Variants in CFAP70 observed in about 807,000 individuals in gnomAD.
CFAP70 encodes the protein cilia and flagella associated protein 70.
A neutral mutation model predicts 137.6 loss-of-function variants in CFAP70; 81 were observed. The observed-to-expected ratio is 0.59, with a 90% CI of 0.49 to 0.71. CFAP70 has a LOEUF of 0.71. Among genes scored for constraint, CFAP70 ranks in the 30% least tolerant of loss-of-function variants. The probability of loss-of-function intolerance (pLI) is 0.00; values close to 1 mark genes in which losing one functional copy is unlikely to be tolerated. For synonymous variants in CFAP70, 382 were observed against 423.6 expected (o/e 0.90, Z 1.20); for missense variants, 976 against 1,226.7 (o/e 0.80, Z 3.05).
At chr10:73,304,744 A>G (rs1223436742) in intron 12 of CFAP70, among the ~76,000 whole-genome samples, 1 of 152,014 alleles carries the variant, frequency 6.6e-6, no homozygotes, top group African/African-American at 2.4e-5. Flanking sequence ...ATTTTCTTTC[A>G]TCTTTCTTTG....
chr10:73,343,966 T>C (rs867938631), intron 5 of CFAP70, among the ~76,000 whole-genome samples: 1 of 148,810 alleles, frequency 6.7e-6, no homozygotes, highest in Non-Finnish European at 1.5e-5. Context: ...TATGAAGAAT[T>C]TTTTTTTTTT....
intron 12 of CFAP70, 128 bp downstream of exon 13, chr10:73,310,030 C>A: frequency 1.8e-6 from 1 of 551,830 alleles, no homozygotes. Flanking sequence ...ACAACAAAAA[C>A]TTCATCTAGA....
chr10:73,346,586 T>G (rs2053729850), intron 4 of CFAP70, among the ~76,000 whole-genome samples: 1 of 150,356 alleles, frequency 6.7e-6, no homozygotes, highest in Non-Finnish European at 1.5e-5. Context: ...GAGGTTGCAG[T>G]GAGCCGAGAT....
At chr10:73,299,833 G>C (rs2048816918) in intron 12 of CFAP70, among the ~76,000 whole-genome samples, 168 bp from the exon 14 acceptor site, 1 of 152,130 alleles carries the variant, frequency 6.6e-6, no homozygotes, top group African/African-American at 2.4e-5. Context: ...CCCTAGATGT[G>C]AACCACAGCA....
intron 15 of CFAP70, chr10:73,295,097 C>T (rs1046969219): frequency 6.6e-6 from 1 of 152,582 alleles, no homozygotes; most frequent in African/African-American, 2.4e-5. Flanking sequence ...GCTGGTGGAT[C>T]GCTTGAGTCC....
chr10:73,277,850 A>C (rs1484591981), intron 20 of CFAP70, among the ~76,000 whole-genome samples: 1 of 152,244 alleles, frequency 6.6e-6, no homozygotes, highest in Non-Finnish European at 1.5e-5. Context: ...AAAGGTTCTC[A>C]AGGTAAATCT....
chr10:73,266,825 C>CA (rs891244029), intron 25 of CFAP70, among the ~76,000 whole-genome samples: 1 of 152,054 alleles, frequency 6.6e-6, no homozygotes, highest in Non-Finnish European at 1.5e-5. Context: ...CTAGTCTCTG[C>CA]AAAAAACAGC....
intron 8 of CFAP70, 115 bp from the exon 10 acceptor site, chr10:73,323,212 C>T (rs2051037786): frequency 2.0e-6 from 2 of 979,306 alleles, no homozygotes; most frequent in African/African-American, 3.3e-5. Context: ...ACTACTTAGC[C>T]AGTTATGTGA....
intron 12 of CFAP70, among the ~76,000 whole-genome samples, chr10:73,306,951 C>T (rs954540003): frequency 6.6e-6 from 1 of 151,874 alleles, no homozygotes; most frequent in Non-Finnish European, 1.5e-5. Context: ...TATTATTGCA[C>T]TTTCAACTTG....
At chr10:73,267,743 A>T in intron 25 of CFAP70, among the ~76,000 whole-genome samples, 1 of 152,246 alleles carries the variant, frequency 6.6e-6, no homozygotes, top group East Asian at 1.9e-4. Context: ...GCCAAAATCA[A>T]GGTGTCATCT....
At chr10:73,306,749 A>C (rs756212871) in intron 12 of CFAP70, among the ~76,000 whole-genome samples, 1 of 152,176 alleles carries the variant, frequency 6.6e-6, no homozygotes, top group Non-Finnish European at 1.5e-5. Context: ...TATCTAGTAA[A>C]TTATCCTTCA....
intron 6 of CFAP70, among the ~76,000 whole-genome samples, chr10:73,336,549 G>A (rs1003639565): frequency 4.7e-5 from 7 of 148,896 alleles, no homozygotes; most frequent in Admixed American, 4.7e-4. Flanking sequence ...GCTCATTCGA[G>A]AAACATTTGC....
intron 9 of CFAP70, among the ~76,000 whole-genome samples, chr10:73,317,522 A>G (rs2050495276): frequency 1.3e-5 from 2 of 152,062 alleles, no homozygotes; most frequent in South Asian, 4.1e-4. Context: ...TCATTTGACT[A>G]TATATAATGT....
rs778727159 is a variant in CFAP70, at chr10:73,322,945, T to C, written c.912+18A>G. The C allele has an allele frequency of 1.3e-6, 2 of 1,574,492 alleles. No individual in the cohort carries two copies. Among genetic ancestry groups the C allele is most frequent in the South Asian group, 1.2e-5 (1 of 84,052 alleles). The stretch of plus-strand genomic sequence containing the variant: ...AAGGATAAATTACCATGATGATTTT[T>C]ATGCAATTTTTTCTTACCTTTTCAT... On this transcript the variant is annotated intron_variant, in intron 9 of 26. Coordinates refer to ENST00000310715, the Ensembl canonical transcript of CFAP70.
chr10:73,339,500 T>G (rs1162968588), intron 6 of CFAP70, among the ~76,000 whole-genome samples: 1 of 152,198 alleles, frequency 6.6e-6, no homozygotes, highest in African/African-American at 2.4e-5. Flanking sequence ...TGCTTGGGCC[T>G]GCTAGGCTCA....
intron 22 of CFAP70, 112 bp from the exon 24 acceptor site, chr10:73,274,706 T>C (rs2046564985): frequency 2.9e-6 from 3 of 1,019,692 alleles, no homozygotes; most frequent in Non-Finnish European, 1.4e-6. Context: ...CTTTCTCTTT[T>C]CTTTTTCAGA....
intron 6 of CFAP70, among the ~76,000 whole-genome samples, chr10:73,339,349 T>C (rs2053020595): frequency 6.6e-6 from 1 of 152,248 alleles, no homozygotes; most frequent in Non-Finnish European, 1.5e-5. Flanking sequence ...TTGACTTACA[T>C]ATTTGCTTTT....
chr10:73,317,161 G>A (rs920132961), intron 9 of CFAP70, among the ~76,000 whole-genome samples: 1 of 152,084 alleles, frequency 6.6e-6, no homozygotes, highest in African/African-American at 2.4e-5. Flanking sequence ...GGGATTACAG[G>A]TGCACGCCAC....
At chr10:73,337,546 A>C (rs1371359041) in intron 6 of CFAP70, among the ~76,000 whole-genome samples, 1 of 152,154 alleles carries the variant, frequency 6.6e-6, no homozygotes, top group Non-Finnish European at 1.5e-5. Context: ...TTTTCCCAAC[A>C]GATACTAGTT....
Sources: gnomAD v4.1 joint callset for allele counts (sites outside exome capture counted in the v4.1 genomes callset) on GRCh38, gnomAD v4.1.1 for gene constraint, MANE v1.5 for transcripts, NCBI Gene and HGNC (gene_info 2026-07-23, HGNC 2026-07-21) for gene names.